Variants in CSE1L observed in about 807,000 individuals in gnomAD.
CSE1L encodes chromosome segregation 1 like, also known as exportin-2.
Under a neutral mutation model 120.4 loss-of-function variants are expected in CSE1L, and 24 were observed. The observed-to-expected ratio is 0.20, with a 90% CI of 0.14 to 0.28. The LOEUF (loss-of-function observed/expected upper bound fraction) is 0.28. Among genes scored for constraint, CSE1L ranks in the 10% least tolerant of loss-of-function variants. The pLI is 1.00. For synonymous variants in CSE1L, 402 were observed against 398.3 expected, an observed-to-expected ratio of 1.01 and a Z score of -0.11; for missense variants, 830 against 1,145.2, an observed-to-expected ratio of 0.72 and a Z score of 3.97.
Position 49,063,222 on chromosome 20 carries a change from G to C in CSE1L, c.106G>C (p.Val36Leu). ...RRPAEKFLES[V>L]EGNQNYPLLL... Reference sequence around the variant, plus strand: ...TACAGCTGAGAAATTTCTTGAATCTGTTGAAGGAAATCAGAATTATCCACT... The same window carrying C: ...TACAGCTGAGAAATTTCTTGAATCTCTTGAAGGAAATCAGAATTATCCACT... The change falls in exon 3 of 25, where the codon GTT becomes CTT. Residue 36 changes from valine to leucine, a missense_variant. Coordinates refer to ENST00000262982, the MANE Select transcript of CSE1L (RefSeq NM_001316.4). 6.3e-7 allele frequency: 1 copy of C among 1,582,616 alleles called. No individual in the cohort carries two copies. The highest frequency in any genetic ancestry group is 8.5e-7 in the Non-Finnish European group (1 of 1,170,380).
At chr20:49,063,023 A>G (rs544206636) in intron 2 of CSE1L, among the ~76,000 whole-genome samples, 179 bp from the exon 3 acceptor site, 4 of 151,912 alleles carry the variant, frequency 2.6e-5, no homozygotes, top group Non-Finnish European at 5.9e-5. Context: ...CTGAAGCATT[A>G]TATAAGTTTA....
chr20:49,082,919 A>G (rs2092024825), intron 14 of CSE1L, among the ~76,000 whole-genome samples: 1 of 152,014 alleles, frequency 6.6e-6, no homozygotes, highest in Admixed American at 6.6e-5. Flanking sequence ...TTCTGGACTC[A>G]AGCGATCCTC....
At chr20:49,089,871 A>G in intron 19 of CSE1L, 125 bp downstream of exon 19, 2 of 849,510 alleles carry the variant, frequency 2.4e-6, no homozygotes, top group East Asian at 5.3e-5. Context: ...CAAGCCCACC[A>G]CTTTGGGAGC....
chr20:49,089,420 C>T, intron 18 of CSE1L, 23 bp downstream of exon 18: 1 of 1,607,162 alleles, frequency 6.2e-7, no homozygotes, highest in Middle Eastern at 1.7e-4. Flanking sequence ...AAATTATTTT[C>T]TTTGTAATGG....
chr20:49,089,473 T>TA, intron 18 of CSE1L, 65 bp from the exon 19 acceptor site: 1 of 1,595,786 alleles, frequency 6.3e-7, no homozygotes, highest in Non-Finnish European at 8.6e-7. Context: ...ACCTAAGCGA[T>TA]GTGGGCCTTT....
chr20:49,048,928 C>T (rs1420910281), intron 1 of CSE1L, among the ~76,000 whole-genome samples: 2 of 152,160 alleles, frequency 1.3e-5, no homozygotes, highest in Non-Finnish European at 2.9e-5. Flanking sequence ...AAAAGGCAGA[C>T]ATCTTGGATC....
intron 24 of CSE1L, 158 bp from the exon 25 acceptor site, chr20:49,096,191 C>A (rs2145761937): frequency 2.8e-6 from 2 of 713,264 alleles, no homozygotes; most frequent in East Asian, 5.4e-5. Flanking sequence ...TTTTTGAAGG[C>A]ATAAAAGCAG....
At chr20:49,046,689 C>G (rs1210451995) in intron 1 of CSE1L, among the ~76,000 whole-genome samples, 1 of 152,254 alleles carries the variant, frequency 6.6e-6, no homozygotes, top group Non-Finnish European at 1.5e-5. Flanking sequence ...GCAACTGAGG[C>G]GCGGCCTAAC....
At chr20:49,075,130 G>A (rs116044341) in intron 11 of CSE1L, among the ~76,000 whole-genome samples, 188 bp from the exon 12 acceptor site, 105 of 151,804 alleles carry the variant, frequency 6.9e-4, no homozygotes, top group African/African-American at 2.4e-3. Context: ...TATTTCTTGG[G>A]GGCGGGAATG....
At chr20:49,056,778 T>C (rs1360086959) in intron 1 of CSE1L, among the ~76,000 whole-genome samples, 1 of 152,140 alleles carries the variant, frequency 6.6e-6, no homozygotes, top group African/African-American at 2.4e-5. Flanking sequence ...ATTTGTGGTA[T>C]GCATGTTTTG....
intron 10 of CSE1L, 22 bp from the exon 11 acceptor site, chr20:49,074,763 G>C: frequency 6.2e-7 from 1 of 1,603,706 alleles, no homozygotes; most frequent in African/African-American, 1.3e-5. Flanking sequence ...AGTGTTATCT[G>C]AAATATCATC....
At chr20:49,059,363 G>A (rs1040358457) in intron 2 of CSE1L, among the ~76,000 whole-genome samples, 7 of 151,904 alleles carry the variant, frequency 4.6e-5, no homozygotes, top group African/African-American at 1.7e-4. Flanking sequence ...TTGAACTCAG[G>A]TGTTCACAGG....
Position 49,063,222 on chromosome 20 carries a change from G to A in CSE1L, c.106G>A (p.Val36Ile), listed in dbSNP as rs2091865760. 1.8e-5 allele frequency: 29 copies of A among 1,582,616 alleles called. No individual in the cohort carries two copies. The highest frequency in any genetic ancestry group is 2.5e-5 in the Non-Finnish European group (29 of 1,170,380). ...TACAGCTGAGAAATTTCTTGAATCTGTTGAAGGAAATCAGAATTATCCACT... is the reference window on the plus strand; with the variant it reads ...TACAGCTGAGAAATTTCTTGAATCTATTGAAGGAAATCAGAATTATCCACT... ...RRPAEKFLES[V>I]EGNQNYPLLL... Residue 36 changes from valine to isoleucine, a missense_variant, in exon 3 of 25, where the codon GTT becomes ATT. Physicochemically the swap from Val to Ile is conservative, Grantham distance 29. Transcript: ENST00000262982.
chr20:49,057,388 T>A (rs914813488), intron 1 of CSE1L, among the ~76,000 whole-genome samples: 7 of 152,146 alleles, frequency 4.6e-5, no homozygotes, highest in Non-Finnish European at 8.8e-5. Context: ...TCTTGTTTCT[T>A]TAATCTCAGA....
Position 49,063,322 on chromosome 20 carries a change from A to G in CSE1L, c.206A>G (p.Tyr69Cys), listed in dbSNP as rs1188303222. Residue 69 changes from tyrosine to cysteine, a missense_variant, in exon 3 of 25, where the codon TAT becomes TGT. By Grantham distance (194) the Tyr-to-Cys change is radical (BLOSUM62 -2). Coordinates refer to ENST00000262982, the MANE Select transcript of CSE1L (RefSeq NM_001316.4). The part of the protein sequence containing the change: ...KVCASVTFKN[Y>C]IKRNWRIVED... ...TGTGCTTCAGTAACATTCAAAAACT[A>G]TATTAAAAGGAACTGGAGAATTGTA... is the stretch of plus-strand genomic sequence containing the variant. 7 of 1,509,540 alleles carry G rather than the reference A, an allele frequency of 4.6e-6. No individual in the cohort carries two copies. The highest frequency in any genetic ancestry group is 1.4e-5 in the African/African-American group (1 of 70,570). The allele number at this position is 1,509,540 out of a possible 1,614,324, so 93.5% of individuals were successfully genotyped here.
At chr20:49,055,581 G>A (rs530849503) in intron 1 of CSE1L, among the ~76,000 whole-genome samples, 229 of 152,234 alleles carry the variant, frequency 1.5e-3, no homozygotes, top group African/African-American at 4.9e-3. Context: ...GCCAGGCATG[G>A]TTGATTGCGC....
At chr20:49,089,893 G>A in intron 19 of CSE1L, 147 bp downstream of exon 19, 1 of 716,082 alleles carries the variant, frequency 1.4e-6, no homozygotes, top group South Asian at 1.9e-5. Context: ...TCTAGTGGGA[G>A]GATCCCTTGA....
intron 1 of CSE1L, among the ~76,000 whole-genome samples, chr20:49,051,356 C>A (rs1278965035): frequency 6.6e-6 from 1 of 151,724 alleles, no homozygotes; most frequent in African/African-American, 2.4e-5. Context: ...ATTAGCCTGG[C>A]CAACACGGTG....
Position 49,070,136 on chromosome 20 carries a change from A to G in CSE1L, c.676-69A>G, listed in dbSNP as rs958864882. Reference sequence around the variant, plus strand: ...GTATAAAATGTTTTGTCCACGTGGTAAGGGAACTTATAAAAGTGGTGTTCT... The same window carrying G: ...GTATAAAATGTTTTGTCCACGTGGTGAGGGAACTTATAAAAGTGGTGTTCT... On this transcript the variant is annotated intron_variant, in intron 7 of 24. Coordinates refer to ENST00000262982, the MANE Select transcript of CSE1L (RefSeq NM_001316.4). 3 of 726,112 alleles carry G rather than the reference A, an allele frequency of 4.1e-6. No individual in the cohort carries two copies. The African/African-American group carries it at 5.4e-5, about 13-fold the overall frequency. 45.0% of individuals were successfully genotyped at this position (726,112 alleles called of 1,614,324 possible). A position where few individuals can be genotyped will look rare whatever the true frequency, so the allele number is the denominator to read the frequency against.
Sources: gnomAD v4.1 joint callset for allele counts (sites outside exome capture counted in the v4.1 genomes callset) on GRCh38, gnomAD v4.1.1 for gene constraint, MANE v1.5 for transcripts, NCBI Gene and HGNC (gene_info 2026-07-23, HGNC 2026-07-21) for gene names.